Variants in CLEC4F observed in about 807,000 individuals in gnomAD.
CLEC4F encodes the protein C-type lectin domain family 4 member F.
A neutral mutation model predicts 53.4 loss-of-function variants in CLEC4F; 45 were observed. The observed-to-expected ratio is 0.84, with a 90% confidence interval of 0.66 to 1.08. The LOEUF is 1.08. Among genes scored for constraint, CLEC4F ranks in the 50% least tolerant of loss-of-function variants. CLEC4F has a pLI of 0.00. For synonymous variants in CLEC4F, 245 were observed against 257.5 expected (o/e 0.95, Z 0.46); for missense variants, 753 against 698.2 (o/e 1.08, Z -0.88).
chr2:70,814,093 G>A (rs1357483652), intron 4 of CLEC4F, among the ~76,000 whole-genome samples: 3 of 152,194 alleles, frequency 2.0e-5, no homozygotes, highest in African/African-American at 4.8e-5. Flanking sequence ...GAACAGCCGG[G>A]CACAGCCTGA....
At chr2:70,809,999 C>T in intron 5 of CLEC4F, 142 bp from the exon 6 acceptor site, 1 of 640,130 alleles carries the variant, frequency 1.6e-6, no homozygotes. Flanking sequence ...ACACTTTTAT[C>T]TCATTTGGGG....
intron 2 of CLEC4F, 121 bp from the exon 3 acceptor site, chr2:70,819,565 T>C: frequency 2.0e-6 from 2 of 1,002,560 alleles, no homozygotes; most frequent in South Asian, 1.3e-5. Context: ...CCTCCCAGGG[T>C]TTCCCTCATG....
intron 3 of CLEC4F, among the ~76,000 whole-genome samples, chr2:70,817,775 C>T (rs931027228): frequency 7.9e-5 from 12 of 152,194 alleles, no homozygotes; most frequent in Admixed American, 7.9e-4. Flanking sequence ...AGGTAACTAA[C>T]ACTGGACCTC....
chr2:70,813,641 T>G (rs949729684), intron 4 of CLEC4F, among the ~76,000 whole-genome samples: 1 of 145,966 alleles, frequency 6.9e-6, no homozygotes, highest in Non-Finnish European at 1.5e-5. Flanking sequence ...CTTTCTTTCT[T>G]TCGCTCTCTC....
In CLEC4F at chr2:70,820,560, A is replaced by G. The variant is rs1315852009; in HGVS notation, c.-37T>C. 63 of 1,562,572 alleles carry G rather than the reference A, an allele frequency of 4.0e-5. No homozygotes were observed. Among genetic ancestry groups the G allele is most frequent in the Non-Finnish European group, 5.0e-5 (58 of 1,152,010 alleles). On this transcript the variant is annotated 5_prime_UTR_variant, in exon 1 of 7. Coordinates refer to ENST00000272367, the MANE Select transcript of CLEC4F (RefSeq NM_173535.3). Reference sequence around the variant, plus strand: ...TGATCCTCCAGCACTGCTCCCAGCCACTGGCTCCTGGAAGGGCCGTCCCGT... The same window carrying G: ...TGATCCTCCAGCACTGCTCCCAGCCGCTGGCTCCTGGAAGGGCCGTCCCGT...
chr2:70,816,646 G>A lies in CLEC4F; in HGVS notation c.735C>T (p.Ser245=). ...TCTCAGCATTAGCGTTCTTTAAACTGCTATTGGCTAACTGAGCCTGGGTAT... is the reference window on the plus strand; with the variant it reads ...TCTCAGCATTAGCGTTCTTTAAACTACTATTGGCTAACTGAGCCTGGGTAT... ...TANTQAQLAN[S]SLKNANAEIY... is the part of the protein sequence containing the mutation. The change falls in exon 4 of 7, where the codon AGC becomes AGT. Residue 245 remains serine (S), a synonymous_variant. Coordinates refer to ENST00000272367, the MANE Select transcript of CLEC4F (RefSeq NM_173535.3). 2 of 1,614,162 alleles carry A rather than the reference G, an allele frequency of 1.2e-6. No individual in the cohort carries two copies. Among genetic ancestry groups the A allele is most frequent in the Non-Finnish European group, 1.7e-6 (2 of 1,180,028 alleles).
At chr2:70,819,749 G>C (rs201288765) in intron 2 of CLEC4F, 26 bp downstream of exon 2, 1 of 1,499,862 alleles carries the variant, frequency 6.7e-7, no homozygotes, top group African/African-American at 1.4e-5. Flanking sequence ...GAAAGTTAGT[G>C]AGATTTGGGT....
At chr2:70,814,400 G>A (rs1410816600) in intron 4 of CLEC4F, among the ~76,000 whole-genome samples, 1 of 152,140 alleles carries the variant, frequency 6.6e-6, no homozygotes, top group Non-Finnish European at 1.5e-5. Flanking sequence ...TAAATCAGGG[G>A]TTCGAAAAGT....
At chr2:70,813,148 C>T (rs533525962) in intron 4 of CLEC4F, among the ~76,000 whole-genome samples, 1 of 152,196 alleles carries the variant, frequency 6.6e-6, no homozygotes, top group African/African-American at 2.4e-5. Context: ...TGCTCTTTGG[C>T]GTCATCTATG....
chr2:70,815,582 C>A (rs1471801512), intron 4 of CLEC4F, among the ~76,000 whole-genome samples: 1 of 152,208 alleles, frequency 6.6e-6, no homozygotes, highest in Non-Finnish European at 1.5e-5. Context: ...CATGTGTGAA[C>A]TCATTGGATC....
chr2:70,823,179 G>A (rs145303957), upstream of CLEC4F, among the ~76,000 whole-genome samples: 142 of 152,176 alleles, frequency 9.3e-4, no homozygotes, highest in African/African-American at 3.2e-3. Flanking sequence ...TGTGTAGAGT[G>A]CAGAGCCACC....
At chr2:70,820,064 T>A (rs561071512) in intron 1 of CLEC4F, among the ~76,000 whole-genome samples, 173 bp from the exon 2 acceptor site, 1 of 152,110 alleles carries the variant, frequency 6.6e-6, no homozygotes, top group African/African-American at 2.4e-5. Flanking sequence ...ACAAAACACT[T>A]TGGGCTGTTC....
At chr2:70,811,335 A>G (rs1676548143) in intron 5 of CLEC4F, 2 of 1,002,906 alleles carry the variant, frequency 2.0e-6, no homozygotes, top group Admixed American at 1.8e-5. Context: ...ATCTGCTCTT[A>G]TGTTCTGTTG....
chr2:70,816,208 CT>C lies in CLEC4F; in HGVS notation c.1172del (p.Gln391ArgfsTer3), dbSNP rs782448647. The C allele has an allele frequency of 6.8e-6, 11 of 1,614,172 alleles. No individual in the cohort carries two copies. The highest frequency in any genetic ancestry group is 7.6e-6 in the Non-Finnish European group (9 of 1,180,032). On this transcript the variant is annotated frameshift_variant, in exon 4 of 7. Coordinates refer to ENST00000272367, the MANE Select transcript of CLEC4F (RefSeq NM_173535.3). LOFTEE classifies it high-confidence loss of function. ...CATTCTTCATTCCTTGTTTTAGGGT[CT>C]GTATCTCTCTGCTGGCATTTTTCAT... ...GHMKNASREI[Q>X]TLKQGMKNAS...
chr2:70,810,967 A>T (rs1676525485), intron 5 of CLEC4F: 2 of 564,262 alleles, frequency 3.5e-6, no homozygotes, highest in South Asian at 2.9e-5. Context: ...ATGAAAATAA[A>T]CATGTGAAAA....
intron 3 of CLEC4F, among the ~76,000 whole-genome samples, chr2:70,818,409 TA>T (rs1416908789): frequency 6.6e-6 from 1 of 152,084 alleles, no homozygotes; most frequent in Non-Finnish European, 1.5e-5. Context: ...GGCAGAGACC[TA>T]AATGTAAAAC....
intron 4 of CLEC4F, among the ~76,000 whole-genome samples, chr2:70,815,185 A>G (rs892035932): frequency 6.6e-5 from 10 of 152,154 alleles, no homozygotes. Flanking sequence ...AACTGCCTGA[A>G]GTTTCCAGAA....
chr2:70,815,776 G>A lies in CLEC4F; in HGVS notation c.1387+218C>T, dbSNP rs111249866. On this transcript the variant is annotated intron_variant, in intron 4 of 6. Coordinates refer to ENST00000272367, the MANE Select transcript of CLEC4F (RefSeq NM_173535.3). Reference sequence around the variant, plus strand: ...GTGCACCATTTACAGTTGGTTTCCCGTGTTCATTTGGTCACCGTGACCAGG... The same window carrying A: ...GTGCACCATTTACAGTTGGTTTCCCATGTTCATTTGGTCACCGTGACCAGG... Among the ~76,000 whole-genome samples, 571 of 152,270 alleles carry A rather than the reference G, an allele frequency of 3.7e-3. 4 individuals are homozygous for A. The highest frequency in any genetic ancestry group is 0.013 in the African/African-American group (545 of 41,536).
rs17006359 is a variant in CLEC4F at position 70,817,935 on chromosome 2, G to T, written c.269-823C>A. ...CCCCACAGCCCCTTTAATCTGCAAG[G>T]TCTTTCCCACCAACCTCACATGCAT... is the stretch of plus-strand genomic sequence containing the variant. On this transcript the variant is annotated intron_variant, in intron 3 of 6. Coordinates refer to ENST00000272367, the MANE Select transcript of CLEC4F (RefSeq NM_173535.3). Among the ~76,000 whole-genome samples, 1,103 of 152,274 alleles carry T rather than the reference G, an allele frequency of 7.2e-3. 16 individuals are homozygous for T. The highest frequency in any genetic ancestry group is 0.025 in the African/African-American group (1,050 of 41,562).
Sources: allele counts gnomAD v4.1 joint callset (sites outside exome capture counted in the v4.1 genomes callset), GRCh38; gene constraint gnomAD v4.1.1; transcripts MANE v1.5; gene names NCBI Gene and HGNC (gene_info 2026-07-23, HGNC 2026-07-21).